ADARB2: variants seen among roughly 807,000 people sequenced by gnomAD.
ADARB2 encodes inactive double-stranded RNA-specific editase B2.
In ADARB2, 25 loss-of-function variants were observed where a neutral mutation model predicts 62.2. That is an observed-to-expected ratio of 0.40 (90% CI 0.29 to 0.56). The LOEUF (loss-of-function observed/expected upper bound fraction) is 0.56. ADARB2 is among the 20% of genes least tolerant of loss of function. The pLI is 0.43. For synonymous variants in ADARB2, 572 were observed against 500.8 expected (o/e 1.14, Z -1.90); for missense variants, 1,071 against 1,077.4 (o/e 0.99, Z 0.08).
intron 3 of ADARB2, among the ~76,000 whole-genome samples, chr10:1,327,977 CTCACA>C (rs1831891149): frequency 1.2e-5 from 1 of 83,148 alleles, no homozygotes; most frequent in South Asian, 3.0e-4. Flanking sequence ...TCAGCGCCTC[CTCACA>C]GCGCCTCCCC....
rs558195498 is a variant in ADARB2 at position 1,362,592 on chromosome 10, C to G, written c.1077+436G>C. 2.6e-5 allele frequency among the ~76,000 whole-genome samples: 4 copies of G among 152,316 alleles called. No homozygotes were observed. The South Asian group carries it at 8.3e-4, about 32-fold the overall frequency. On this transcript the variant is annotated intron_variant, in intron 3 of 9. Coordinates refer to ENST00000381312, the MANE Select transcript of ADARB2 (RefSeq NM_018702.4). ...CCTCCCAGCGCGATTCTCCCTTGGA[C>G]CAGGGACCCCGTCTGGATCCTGCCG...
intron 3 of ADARB2, among the ~76,000 whole-genome samples, chr10:1,316,257 C>T (rs1589190112): frequency 6.6e-6 from 1 of 152,376 alleles, no homozygotes; most frequent in East Asian, 1.9e-4. Context: ...CGGCGTCACA[C>T]AGCAGGGAAG....
rs1833691078 is a variant in ADARB2 at position 1,620,331 on chromosome 10, G to T, written c.100+116720C>A. Among the ~76,000 whole-genome samples the T allele has an allele frequency of 3.3e-5, 5 of 152,238 alleles. No individual in the cohort carries two copies. In the South Asian group the frequency reaches 1.0e-3, roughly 32 times the overall value. ...TCACCAATCTACAAAAATTAAAGGG[G>T]TCATAAGCACATGTTATGGGCAACT... On this transcript the variant is annotated intron_variant, in intron 1 of 9. Transcript: ENST00000381312.
At chr10:1,338,381 A>T (rs1328606751) in intron 3 of ADARB2, among the ~76,000 whole-genome samples, 1 of 152,158 alleles carries the variant, frequency 6.6e-6, no homozygotes. Context: ...GATAAACTTC[A>T]TTTTTGAAAC....
chr10:1,414,933 G>A (rs1185375890), intron 1 of ADARB2, among the ~76,000 whole-genome samples: 5 of 152,208 alleles, frequency 3.3e-5, no homozygotes. Flanking sequence ...TAGATAGGTG[G>A]ATGGATGGAT....
chr10:1,614,630 G>T (rs1158989912), intron 1 of ADARB2, among the ~76,000 whole-genome samples: 1 of 152,126 alleles, frequency 6.6e-6, no homozygotes, highest in Admixed American at 6.5e-5. Context: ...TGCCCTTTTT[G>T]GCTGGGCATG....
At chr10:1,622,765 G>A (rs12415383) in intron 1 of ADARB2, among the ~76,000 whole-genome samples, 28,965 of 152,072 alleles carry the variant, frequency 0.19, 2,906 homozygotes, top group East Asian at 0.34. Context: ...AAAATTGTTT[G>A]TTTGTTTCTT....
rs150141988 is a variant in ADARB2, at chr10:1,684,263, C to A, written c.100+52788G>T. The stretch of plus-strand genomic sequence containing the variant: ...GAGAAGATGGTGGAAAAACTAAAGA[C>A]ATCTTTCTTAGCTACTAAATGTTTT... On this transcript the variant is annotated intron_variant, in intron 1 of 9. Transcript: ENST00000381312. 4.2e-3 allele frequency among the ~76,000 whole-genome samples: 643 copies of A among 152,328 alleles called. 3 individuals are homozygous for A. Among genetic ancestry groups the A allele is most frequent in the Non-Finnish European group, 5.9e-3 (402 of 68,022 alleles).
At chr10:1,250,780 G>C (rs1417552143) in intron 4 of ADARB2, among the ~76,000 whole-genome samples, 3 of 152,174 alleles carry the variant, frequency 2.0e-5, no homozygotes, top group African/African-American at 7.2e-5. Flanking sequence ...GATTCTAAAA[G>C]GAAACCCAGA....
Position 1,279,017 on chromosome 10 carries a change from A to AT in ADARB2, c.1078-7949dup, listed in dbSNP as rs201176336. On this transcript the variant is annotated intron_variant, in intron 3 of 9. Transcript: ENST00000381312. ...GTAAAATTTCAGAAAAAAGTTGGTT[A>AT]TTTTTCCCACCAGTTATTATCAGCA... 4.5e-3 allele frequency among the ~76,000 whole-genome samples: 685 copies of AT among 152,102 alleles called. 9 individuals are homozygous for AT. Among genetic ancestry groups the AT allele is most frequent in the African/African-American group, 0.015 (640 of 41,496 alleles).
In ADARB2 at chr10:1,225,037, T is replaced by A. The variant is rs544629674; in HGVS notation, c.1514-7918A>T. ...GGGGTGTTAAAGTCTCCCATTATTA[T>A]TGTGTGGGAGTCTAAGTGTCTTTGT... On this transcript the variant is annotated intron_variant, in intron 6 of 9. Coordinates refer to ENST00000381312, the MANE Select transcript of ADARB2 (RefSeq NM_018702.4). Among the ~76,000 whole-genome samples the A allele has an allele frequency of 7.0e-3, 1,063 of 151,504 alleles. 8 individuals carry two copies. The highest frequency in any genetic ancestry group is 0.024 in the African/African-American group (999 of 40,824).
At chr10:1,700,653 G>A (rs1834809654) in intron 1 of ADARB2, among the ~76,000 whole-genome samples, 1 of 7,746 alleles carries the variant, frequency 1.3e-4, no homozygotes, top group African/African-American at 1.5e-4. Context: ...CCACTCCACC[G>A]GGAGACCGGG....
At chr10:1,706,852 A>T (rs1053743157) in intron 1 of ADARB2, among the ~76,000 whole-genome samples, 1 of 152,190 alleles carries the variant, frequency 6.6e-6, no homozygotes, top group African/African-American at 2.4e-5. Flanking sequence ...TCCACTGAGG[A>T]CAACCTCTCC....
At chr10:1,409,261 G>T (rs1023011632) in intron 1 of ADARB2, among the ~76,000 whole-genome samples, 4 of 151,894 alleles carry the variant, frequency 2.6e-5, no homozygotes, top group Non-Finnish European at 5.9e-5. Context: ...CACCTTCGTC[G>T]CCCCGCCCTG....
In ADARB2 at chr10:1,363,797, T is replaced by A; in HGVS notation, c.308A>T (p.Glu103Val). The A allele has an allele frequency of 1.9e-6, 3 of 1,597,060 alleles. No individual in the cohort carries two copies. In the South Asian group the frequency reaches 3.3e-5, roughly 18 times the overall value. Residue 103 changes from glutamate (E) to valine (V), a missense_variant, in exon 3 of 10, where the codon GAG becomes GTG. By Grantham distance (121) the Glu-to-Val change is moderately radical. Coordinates refer to ENST00000381312, the MANE Select transcript of ADARB2 (RefSeq NM_018702.4). ...APGAKRKRPL[E>V]EGNGGHLCKL... Reference sequence around the variant, plus strand: ...GCACAAGTGGCCCCCATTCCCCTCCTCCAGCGGCCGCTTCCTCTTCGCGCC... The same window carrying A: ...GCACAAGTGGCCCCCATTCCCCTCCACCAGCGGCCGCTTCCTCTTCGCGCC...
chr10:1,593,850 A>G (rs1020924975), intron 1 of ADARB2, among the ~76,000 whole-genome samples: 4 of 152,174 alleles, frequency 2.6e-5, no homozygotes, highest in African/African-American at 9.7e-5. Context: ...TATAAGAATG[A>G]GCCCTTGAGA....
chr10:1,341,345 G>A (rs902740457), intron 3 of ADARB2, among the ~76,000 whole-genome samples: 2 of 143,986 alleles, frequency 1.4e-5, no homozygotes, highest in South Asian at 2.2e-4. Context: ...AGAGAACAAC[G>A]TGCCCTGCAA....
intron 1 of ADARB2, among the ~76,000 whole-genome samples, chr10:1,693,947 C>T (rs552433199): frequency 3.3e-5 from 5 of 152,300 alleles, no homozygotes; most frequent in South Asian, 2.1e-4. Context: ...GTGTGTACCA[C>T]GGAACACTAG....
intron 1 of ADARB2, among the ~76,000 whole-genome samples, chr10:1,424,985 T>C (rs934514157): frequency 1.3e-5 from 2 of 152,178 alleles, no homozygotes; most frequent in Non-Finnish European, 2.9e-5. Context: ...ATTTATCAGC[T>C]GCATGAAAAA....
Sources: allele counts gnomAD v4.1 joint callset (sites outside exome capture counted in the v4.1 genomes callset), GRCh38; gene constraint gnomAD v4.1.1; transcripts MANE v1.5; gene names NCBI Gene and HGNC (gene_info 2026-07-23, HGNC 2026-07-21).